SNX13: variants seen among roughly 807,000 people sequenced by gnomAD.
SNX13 encodes the protein sorting nexin 13.
Under a neutral mutation model 133.6 loss-of-function variants are expected in SNX13, and 45 were observed. The ratio of observed to expected loss-of-function variants is 0.34; its 90% CI spans 0.27 to 0.43. The LOEUF (loss-of-function observed/expected upper bound fraction) is 0.43, where lower values mean the gene tolerates loss of function less well. Among genes scored for constraint, SNX13 ranks in the 20% least tolerant of loss-of-function variants. The probability of loss-of-function intolerance (pLI) is 1.00; values close to 1 mark genes in which losing one functional copy is unlikely to be tolerated. For synonymous variants in SNX13, 414 were observed against 373.9 expected, an observed-to-expected ratio of 1.11 and a Z score of -1.24; for missense variants, 1,032 against 1,145.1, an observed-to-expected ratio of 0.90 and a Z score of 1.43.
At chr7:17,828,468 G>A (rs1788143829) in intron 16 of SNX13, among the ~76,000 whole-genome samples, 1 of 151,618 alleles carries the variant, frequency 6.6e-6, no homozygotes, top group African/African-American at 2.4e-5. Flanking sequence ...TAAAGGAAAT[G>A]CTTGTAATTT....
At chr7:17,847,533 A>C (rs1273015249) in intron 11 of SNX13, among the ~76,000 whole-genome samples, 2 of 152,202 alleles carry the variant, frequency 1.3e-5, no homozygotes, top group Admixed American at 1.3e-4. Context: ...GTTTAAATAC[A>C]CTGTAAAATT....
chr7:17,939,592 C>A (rs1562558107), intron 1 of SNX13, among the ~76,000 whole-genome samples: 2 of 152,154 alleles, frequency 1.3e-5, no homozygotes, highest in African/African-American at 4.8e-5. Context: ...TCATAGTTGC[C>A]CTACTTCCAT....
At chr7:17,917,014 C>T (rs1799627844) in intron 1 of SNX13, among the ~76,000 whole-genome samples, 1 of 152,102 alleles carries the variant, frequency 6.6e-6, no homozygotes, top group East Asian at 1.9e-4. Flanking sequence ...TCAACATATG[C>T]AAATCAATAA....
chr7:17,892,959 T>C (rs1796789866), intron 3 of SNX13, among the ~76,000 whole-genome samples: 1 of 152,186 alleles, frequency 6.6e-6, no homozygotes, highest in African/African-American at 2.4e-5. Context: ...ATGAAAAGTA[T>C]CCATTTTTTC....
chr7:17,837,667 C>T (rs1324464687), intron 13 of SNX13, among the ~76,000 whole-genome samples: 1 of 151,842 alleles, frequency 6.6e-6, no homozygotes, highest in Non-Finnish European at 1.5e-5. Flanking sequence ...TTTTTAAATA[C>T]TTTGAAGCAT....
intron 20 of SNX13, among the ~76,000 whole-genome samples, 180 bp from the exon 21 acceptor site, chr7:17,803,760 T>C (rs1466934291): frequency 1.3e-5 from 2 of 151,846 alleles, no homozygotes; most frequent in Admixed American, 1.3e-4. Context: ...AAAAACGTAT[T>C]TTCAGCTGGG....
chr7:17,841,234 G>C (rs1789832458), intron 12 of SNX13, among the ~76,000 whole-genome samples: 1 of 152,016 alleles, frequency 6.6e-6, no homozygotes, highest in Non-Finnish European at 1.5e-5. Context: ...AGATTTAGAA[G>C]ACTGGCACCC....
chr7:17,819,892 AACACACACACAC>A (rs61318514), intron 18 of SNX13, among the ~76,000 whole-genome samples: 18 of 150,030 alleles, frequency 1.2e-4, no homozygotes, highest in East Asian at 9.8e-4. Context: ...CTTTATAAGA[AACACACACACAC>A]ACACACACAC....
At chr7:17,891,700 C>T in intron 3 of SNX13, 65 bp from the exon 4 acceptor site, 1 of 1,069,166 alleles carries the variant, frequency 9.4e-7, no homozygotes, top group South Asian at 1.3e-5. Flanking sequence ...AGTTTAATTC[C>T]AGTTGAATAC....
chr7:17,916,099 T>C (rs1228396996), intron 1 of SNX13, among the ~76,000 whole-genome samples: 1 of 152,142 alleles, frequency 6.6e-6, no homozygotes, highest in Non-Finnish European at 1.5e-5. Context: ...CAAAATCATT[T>C]GTTAAAAAAT....
intron 5 of SNX13, chr7:17,888,847 C>G: frequency 9.9e-6 from 4 of 402,338 alleles, no homozygotes; most frequent in South Asian, 7.4e-5. Context: ...ATGAGAAAAA[C>G]CAAGGTTCAG....
At chr7:17,809,995 TA>T (rs1554306808) in intron 20 of SNX13, among the ~76,000 whole-genome samples, 2 of 152,044 alleles carry the variant, frequency 1.3e-5, no homozygotes, top group Non-Finnish European at 2.9e-5. Flanking sequence ...TTTATAGCAG[TA>T]AATGCCCCCA....
chr7:17,803,556 G>T lies in SNX13; in HGVS notation c.2089C>A (p.Arg697Ser). 1 of 1,609,574 alleles carries T rather than the reference G, an allele frequency of 6.2e-7. No homozygotes were observed. The highest frequency in any genetic ancestry group is 8.5e-7 in the Non-Finnish European group (1 of 1,177,954). The change falls in exon 21 of 26, where the codon CGC becomes AGC. Residue 697 changes from arginine to serine, a missense_variant. Coordinates refer to ENST00000428135, the MANE Select transcript of SNX13 (RefSeq NM_015132.5). ...TTTGAAACATTCCTCATTGAATTGCGAAGTGGATTTACAAAAGTGTCCATC... is the reference window on the plus strand; with the variant it reads ...TTTGAAACATTCCTCATTGAATTGCTAAGTGGATTTACAAAAGTGTCCATC... ...RKMDTFVNPL[R>S]NSMRNVSNAV...
chr7:17,791,114 G>A lies in SNX13; in HGVS notation c.*2931C>T, dbSNP rs973457803. ...TTAAATAAAAGGATGCAGCAACAACGGAATGTAAGTTGTTGGATTAAGAAG... is the reference window on the plus strand; with the variant it reads ...TTAAATAAAAGGATGCAGCAACAACAGAATGTAAGTTGTTGGATTAAGAAG... On this transcript the variant is annotated 3_prime_UTR_variant, in exon 26 of 26. Transcript: ENST00000428135. 6.6e-6 allele frequency: 1 copy of A among 151,874 alleles called. No homozygotes were observed. The highest frequency in any genetic ancestry group is 1.5e-5 in the Non-Finnish European group (1 of 67,880). The allele number at this position is 151,874 out of a possible 1,614,324, so 9.4% of individuals were successfully genotyped here. A position where few individuals can be genotyped will look rare whatever the true frequency, so the allele number is the denominator to read the frequency against.
chr7:17,877,884 A>G (rs1475812583), intron 5 of SNX13, among the ~76,000 whole-genome samples: 1 of 152,004 alleles, frequency 6.6e-6, no homozygotes, highest in Non-Finnish European at 1.5e-5. Context: ...GACTTCATGC[A>G]AACTTAATAT....
intron 9 of SNX13, among the ~76,000 whole-genome samples, chr7:17,863,694 G>A (rs972370227): frequency 2.0e-5 from 3 of 152,204 alleles, no homozygotes; most frequent in Admixed American, 2.0e-4. Flanking sequence ...AGTGGCCACA[G>A]GCGTTAGGCA....
rs749103646 is a variant in SNX13, at chr7:17,897,457, GA to G, written c.13-12del. 1.4e-6 allele frequency: 2 copies of G among 1,445,450 alleles called. No individual in the cohort carries two copies. Among genetic ancestry groups the G allele is most frequent in the Admixed American group, 4.2e-5 (2 of 47,318 alleles). The allele number at this position is 1,445,450 out of a possible 1,614,324, so 89.5% of individuals were successfully genotyped here. ...TATGGATAGACTGGCCTGAAATACA[GA>G]AAAAATATAAGTAAATTAGTAAATA... On this transcript the variant is annotated splice_polypyrimidine_tract_variant and intron_variant, in intron 1 of 25. Coordinates refer to ENST00000428135, the MANE Select transcript of SNX13 (RefSeq NM_015132.5).
At chr7:17,858,521 T>C (rs1046707165) in intron 9 of SNX13, among the ~76,000 whole-genome samples, 17 of 152,194 alleles carry the variant, frequency 1.1e-4, no homozygotes, top group African/African-American at 4.1e-4. Context: ...AGATGCCATG[T>C]TCCTAGATAA....
chr7:17,901,256 C>T lies in SNX13; in HGVS notation c.13-3810G>A, dbSNP rs184885312. Among the ~76,000 whole-genome samples, 538 of 152,212 alleles carry T rather than the reference C, an allele frequency of 3.5e-3. 2 individuals are homozygous for T. Among genetic ancestry groups the T allele is most frequent in the Middle Eastern group, 0.01 (3 of 294 alleles). ...TCAAGCAGAGAGAAGGAGTCTTTCC[C>T]GGACCTGCAAGCTGCACTACTTGGG... On this transcript the variant is annotated intron_variant, in intron 1 of 25. Transcript: ENST00000428135.
Sources: allele counts gnomAD v4.1 joint callset (sites outside exome capture counted in the v4.1 genomes callset), GRCh38; gene constraint gnomAD v4.1.1; transcripts MANE v1.5; gene names NCBI Gene and HGNC (gene_info 2026-07-23, HGNC 2026-07-21).